GPAT3: variants seen among roughly 807,000 people sequenced by gnomAD.
GPAT3 encodes the protein 1-AGP acyltransferase 9.
A neutral mutation model predicts 58.8 loss-of-function variants in GPAT3; 53 were observed. The observed-to-expected ratio is 0.90, with a 90% CI of 0.72 to 1.13. GPAT3 has a LOEUF of 1.13. Ranked by LOEUF, GPAT3 falls within the 50% of genes most tolerant of loss-of-function variation. The probability of loss-of-function intolerance (pLI) is 0.00; values close to 1 mark genes in which losing one functional copy is unlikely to be tolerated. For synonymous variants in GPAT3, 197 were observed against 187.4 expected, an observed-to-expected ratio of 1.05 and a Z score of -0.42; for missense variants, 511 against 527.6, an observed-to-expected ratio of 0.97 and a Z score of 0.31.
chr4:83,543,136 C>A (rs373157071), intron 1 of GPAT3, among the ~76,000 whole-genome samples: 3 of 151,906 alleles, frequency 2.0e-5, no homozygotes, highest in Non-Finnish European at 4.4e-5. Flanking sequence ...CCGGTTTTTA[C>A]AAAAAATACA....
chr4:83,557,502 C>T (rs903796467), intron 2 of GPAT3, among the ~76,000 whole-genome samples: 1 of 151,086 alleles, frequency 6.6e-6, no homozygotes, highest in African/African-American at 2.4e-5. Context: ...CTAACACTAA[C>T]AATAGCTGAT....
intron 2 of GPAT3, among the ~76,000 whole-genome samples, chr4:83,577,702 A>T (rs1725869856): frequency 1.3e-5 from 2 of 149,980 alleles, no homozygotes; most frequent in South Asian, 4.3e-4. Flanking sequence ...AATGTGTTTG[A>T]ATTTGCACAT....
At chr4:83,571,470 T>C (rs1475179699) in intron 2 of GPAT3, among the ~76,000 whole-genome samples, 1 of 152,054 alleles carries the variant, frequency 6.6e-6, no homozygotes, top group Non-Finnish European at 1.5e-5. Flanking sequence ...TGTGGGTATG[T>C]AGTAGTATCT....
At chr4:83,543,121 G>A (rs1724370051) in intron 1 of GPAT3, among the ~76,000 whole-genome samples, 1 of 152,180 alleles carries the variant, frequency 6.6e-6, no homozygotes, top group Non-Finnish European at 1.5e-5. Flanking sequence ...TCGACAAGGT[G>A]AAACCCGGTT....
At chr4:83,536,803 C>T (rs1174324882) in intron 1 of GPAT3, 40 bp downstream of exon 1, 43 of 1,563,078 alleles carry the variant, frequency 2.8e-5, no homozygotes, top group Non-Finnish European at 3.7e-5. Context: ...CACACCGCTG[C>T]GGGCTGAGAA....
At chr4:83,589,857 C>T (rs1043360774) in intron 5 of GPAT3, among the ~76,000 whole-genome samples, 4 of 152,026 alleles carry the variant, frequency 2.6e-5, no homozygotes, top group Non-Finnish European at 4.4e-5. Flanking sequence ...TTTGGGAAGC[C>T]GAGTGGGGCA....
chr4:83,581,943 C>T (rs917775247), intron 3 of GPAT3, 111 bp downstream of exon 3: 38 of 1,396,742 alleles, frequency 2.7e-5, no homozygotes, highest in African/African-American at 5.8e-5. Flanking sequence ...CCCATTCCCA[C>T]GTAGGAAATG....
Position 83,576,537 on chromosome 4 carries a change from C to T in GPAT3, c.209-5025C>T, listed in dbSNP as rs528620469. Among the ~76,000 whole-genome samples, 12 of 151,804 alleles carry T rather than the reference C, an allele frequency of 7.9e-5. No individual in the cohort carries two copies. In the South Asian group the frequency reaches 1.0e-3, roughly 13 times the overall value. On this transcript the variant is annotated intron_variant, in intron 2 of 11. Transcript: ENST00000264409. ...TGGCTCATTGTAACCTCTGCTTCCC[C>T]GATTCAAGCGATTCTCATGCCTCAG...
Position 83,544,598 on chromosome 4 carries a change from T to C in GPAT3, c.204T>C (p.Ser68=). The part of the protein sequence containing the change: ...PKESILKNSA[S]VGIIQRDESP... ...AGTCGATTCTTAAAAACTCTGCTTC[T>C]GTTGGTGAGTTTTCCTTTTCATTAT... Residue 68 remains serine, a synonymous_variant, in exon 2 of 12, where the codon TCT becomes TCC. Transcript: ENST00000264409. 6.2e-7 allele frequency: 1 copy of C among 1,614,020 alleles called. No homozygotes were observed. The highest frequency in any genetic ancestry group is 8.5e-7 in the Non-Finnish European group (1 of 1,179,938).
intron 2 of GPAT3, among the ~76,000 whole-genome samples, chr4:83,549,526 T>A (rs1406344341): frequency 1.3e-5 from 2 of 148,788 alleles, no homozygotes; most frequent in East Asian, 3.9e-4. Context: ...GATTAATACA[T>A]AATATATATT....
At chr4:83,588,335 G>C in intron 5 of GPAT3, 36 bp downstream of exon 5, 1 of 1,578,728 alleles carries the variant, frequency 6.3e-7, no homozygotes, top group Non-Finnish European at 8.7e-7. Flanking sequence ...TCTTTTTCTA[G>C]GTCAATTCAG....
At chr4:83,582,398 A>C (rs1049617702) in intron 3 of GPAT3, among the ~76,000 whole-genome samples, 2 of 152,192 alleles carry the variant, frequency 1.3e-5, no homozygotes. Flanking sequence ...TCTGAGCTTG[A>C]GTGCCACCTG....
At chr4:83,602,750 A>G (rs996025389) in intron 11 of GPAT3, among the ~76,000 whole-genome samples, 7 of 152,202 alleles carry the variant, frequency 4.6e-5, no homozygotes, top group African/African-American at 1.7e-4. Context: ...GATCTTGTGA[A>G]AGGAGAAAGG....
At chr4:83,583,718 T>C (rs1322084880) in intron 3 of GPAT3, among the ~76,000 whole-genome samples, 1 of 132,466 alleles carries the variant, frequency 7.5e-6, no homozygotes, top group East Asian at 2.2e-4. Flanking sequence ...CCGGGCATAG[T>C]GACTCTTGCC....
intron 5 of GPAT3, among the ~76,000 whole-genome samples, chr4:83,589,997 C>G (rs1273223239): frequency 2.0e-5 from 3 of 151,954 alleles, no homozygotes; most frequent in Admixed American, 1.3e-4. Context: ...GAGGCTGAGG[C>G]AGGAGAATTG....
intron 1 of GPAT3, among the ~76,000 whole-genome samples, chr4:83,537,874 C>T (rs1724164125): frequency 6.6e-6 from 1 of 151,998 alleles, no homozygotes; most frequent in African/African-American, 2.4e-5. Context: ...CAAAATGTGA[C>T]CTTAGGGAGG....
chr4:83,593,193 C>G, intron 6 of GPAT3, among the ~76,000 whole-genome samples: 1 of 87,632 alleles, frequency 1.1e-5, no homozygotes, highest in South Asian at 4.9e-4. Context: ...TAAACATAGT[C>G]CTCCTGTGTT....
At chr4:83,599,851 C>G (rs1194191656) in intron 11 of GPAT3, among the ~76,000 whole-genome samples, 1 of 151,986 alleles carries the variant, frequency 6.6e-6, no homozygotes, top group East Asian at 1.9e-4. Context: ...TAGTACAAAT[C>G]CTATATAGAC....
chr4:83,579,887 G>A (rs1372075392), intron 2 of GPAT3, among the ~76,000 whole-genome samples: 2 of 152,050 alleles, frequency 1.3e-5, no homozygotes, highest in Non-Finnish European at 2.9e-5. Context: ...AACTCTTTCC[G>A]GGATAGGTAA....
Sources: gnomAD v4.1 joint callset for allele counts (sites outside exome capture counted in the v4.1 genomes callset) on GRCh38, gnomAD v4.1.1 for gene constraint, MANE v1.5 for transcripts, NCBI Gene and HGNC (gene_info 2026-07-23, HGNC 2026-07-21) for gene names.